The following RBM47 variants were observed in gnomAD, a reference collection of about 807,000 sequenced individuals.
The protein encoded by RBM47 is RNA-binding protein 47.
Under a neutral mutation model 47.1 loss-of-function variants are expected in RBM47, and 21 were observed. The ratio of observed to expected loss-of-function variants is 0.45; its 90% confidence interval spans 0.32 to 0.64. RBM47 has a LOEUF of 0.64. RBM47 is among the 30% of genes least tolerant of loss of function. The pLI is 0.05. For synonymous variants in RBM47, 375 were observed against 361.7 expected (o/e 1.04, Z -0.42); for missense variants, 708 against 870.9 (o/e 0.81, Z 2.35).
intron 1 of RBM47, among the ~76,000 whole-genome samples, chr4:40,553,442 C>T (rs371269050): frequency 6.6e-6 from 1 of 152,042 alleles, no homozygotes; most frequent in Non-Finnish European, 1.5e-5. Flanking sequence ...GGATTACAGG[C>T]GCATGCCACT....
chr4:40,515,297 G>C lies in RBM47; in HGVS notation c.-155+29125C>G, dbSNP rs1725436494. ...GATGATCTATCTGCCTGGTTTTACA[G>C]AAACTACCTATAGAGATTGCTAGAG... On this transcript the variant is annotated intron_variant, in intron 2 of 6. Coordinates refer to ENST00000295971, the MANE Select transcript of RBM47 (RefSeq NM_001098634.2). Among the ~76,000 whole-genome samples the C allele has an allele frequency of 2.0e-5, 3 of 152,158 alleles. No homozygotes were observed. The South Asian group carries it at 6.2e-4, about 31-fold the overall frequency.
chr4:40,425,695 G>A lies in RBM47; in HGVS notation c.*209C>T. On this transcript the variant is annotated 3_prime_UTR_variant, in exon 7 of 7. Coordinates refer to ENST00000295971, the MANE Select transcript of RBM47 (RefSeq NM_001098634.2). ...AGGCACGAACCATTGCAAGTCTTTT[G>A]GAAATGTATGAACGTAGGCATGCTA... The A allele has an allele frequency of 1.5e-6, 1 of 645,530 alleles. No homozygotes were observed. Among genetic ancestry groups the A allele is most frequent in the South Asian group, 2.5e-5 (1 of 39,324 alleles). The allele number at this position is 645,530 out of a possible 1,614,324, so 40.0% of individuals were successfully genotyped here.
intron 4 of RBM47, 36 bp from the exon 5 acceptor site, chr4:40,436,683 A>G: frequency 6.3e-7 from 1 of 1,596,020 alleles, no homozygotes; most frequent in Non-Finnish European, 8.6e-7. Context: ...TCAGCAACCA[A>G]CAGTGACGGT....
intron 1 of RBM47, among the ~76,000 whole-genome samples, chr4:40,583,413 A>G (rs1470649384): frequency 1.5e-5 from 2 of 136,894 alleles, no homozygotes; most frequent in African/African-American, 2.8e-5. Flanking sequence ...AAAAAAAAAA[A>G]AGGGAAACAG....
In RBM47 at chr4:40,563,011, T is replaced by C. The variant is rs144354611; in HGVS notation, c.-239-18505A>G. On this transcript the variant is annotated intron_variant, in intron 1 of 6. Coordinates refer to ENST00000295971, the MANE Select transcript of RBM47 (RefSeq NM_001098634.2). ...AAAATATCCAAAATGACGGGACCCA[T>C]GTGTTGTATTAAACTGGCATTTGTT... 1.4e-4 allele frequency among the ~76,000 whole-genome samples: 22 copies of C among 152,230 alleles called. No homozygotes were observed. The East Asian group carries it at 3.3e-3, about 23-fold the overall frequency.
chr4:40,485,995 C>A (rs1344995413), intron 2 of RBM47, among the ~76,000 whole-genome samples: 2 of 144,700 alleles, frequency 1.4e-5, no homozygotes, highest in African/African-American at 5.2e-5. Context: ...TGCTTGAGCC[C>A]GGAAGCTCCA....
At chr4:40,432,054 A>G (rs1716190372) in intron 6 of RBM47, among the ~76,000 whole-genome samples, 1 of 151,266 alleles carries the variant, frequency 6.6e-6, no homozygotes. Flanking sequence ...GTGTCTCACC[A>G]TGTTGCCCAG....
At chr4:40,539,515 T>C (rs184284506) in intron 2 of RBM47, among the ~76,000 whole-genome samples, 2,323 of 151,898 alleles carry the variant, frequency 0.015, 51 homozygotes, top group African/African-American at 0.047. Flanking sequence ...CCGAGGCAGG[T>C]GGATCACCTG....
intron 6 of RBM47, among the ~76,000 whole-genome samples, chr4:40,430,768 T>G (rs1466067837): frequency 1.3e-5 from 2 of 152,170 alleles, no homozygotes; most frequent in Non-Finnish European, 2.9e-5. Flanking sequence ...AATTGGAATC[T>G]TCAGGGATTA....
At chr4:40,594,073 A>G (rs889020031) in intron 1 of RBM47, among the ~76,000 whole-genome samples, 7 of 152,022 alleles carry the variant, frequency 4.6e-5, no homozygotes, top group African/African-American at 1.7e-4. Flanking sequence ...AAAAAAAAGA[A>G]AGAAAGAAAG....
chr4:40,426,117 C>T lies in RBM47; in HGVS notation c.1569G>A (p.Thr523=), dbSNP rs771317205. The change falls in exon 7 of 7, where the codon ACG becomes ACA. Residue 523 remains threonine (T), a synonymous_variant. Coordinates refer to ENST00000295971, the MANE Select transcript of RBM47 (RefSeq NM_001098634.2). ...GAATTCTCTGAACGTTTGGAGCCAC[C>T]GTGTATACTGGAGTTATTGGGCGGC... ...FQGRPITPVY[T]VAPNVQRIPT... 5.6e-6 allele frequency: 9 copies of T among 1,613,964 alleles called. No individual in the cohort carries two copies. Among genetic ancestry groups the T allele is most frequent in the South Asian group, 3.3e-5 (3 of 91,070 alleles).
At chr4:40,581,637 G>A (rs1732958216) in intron 1 of RBM47, among the ~76,000 whole-genome samples, 1 of 151,768 alleles carries the variant, frequency 6.6e-6, no homozygotes, top group South Asian at 2.1e-4. Flanking sequence ...TGGGGGAAGA[G>A]GTGAGATTAA....
intron 1 of RBM47, among the ~76,000 whole-genome samples, chr4:40,575,420 C>T (rs1049895529): frequency 6.6e-6 from 1 of 151,790 alleles, no homozygotes; most frequent in Non-Finnish European, 1.5e-5. Context: ...GGAGTGGTGG[C>T]GGGCCCCTTT....
At chr4:40,618,225 G>A (rs1005232300) in intron 1 of RBM47, among the ~76,000 whole-genome samples, 6 of 147,540 alleles carry the variant, frequency 4.1e-5, no homozygotes, top group African/African-American at 1.5e-4. Flanking sequence ...AGGCAACAGA[G>A]CAAGACCCTC....
intron 1 of RBM47, among the ~76,000 whole-genome samples, chr4:40,626,178 C>T (rs1475713063): frequency 1.3e-5 from 2 of 152,094 alleles, no homozygotes; most frequent in Non-Finnish European, 2.9e-5. Flanking sequence ...TTCATAACAA[C>T]CAAAAAAGAT....
At chr4:40,440,065 TAA>T (rs1232577256) in intron 3 of RBM47, among the ~76,000 whole-genome samples, 1 of 152,242 alleles carries the variant, frequency 6.6e-6, no homozygotes, top group Non-Finnish European at 1.5e-5. Flanking sequence ...GAAGTGATTC[TAA>T]ATTATGCAAT....
At chr4:40,606,839 AC>A (rs1442351843) in intron 1 of RBM47, among the ~76,000 whole-genome samples, 2 of 152,126 alleles carry the variant, frequency 1.3e-5, no homozygotes, top group African/African-American at 4.8e-5. Flanking sequence ...CCTCCTCTCT[AC>A]TAAAAACAAA....
intron 3 of RBM47, among the ~76,000 whole-genome samples, chr4:40,450,411 T>A (rs998346402): frequency 1.3e-5 from 2 of 151,592 alleles, no homozygotes; most frequent in African/African-American, 2.4e-5. Flanking sequence ...CTGGCCAACA[T>A]AGTGAAACTC....
At chr4:40,615,797 C>T (rs972331659) in intron 1 of RBM47, among the ~76,000 whole-genome samples, 2 of 151,912 alleles carry the variant, frequency 1.3e-5, no homozygotes, top group Non-Finnish European at 2.9e-5. Flanking sequence ...AATTAATTAA[C>T]TAATTAATTG....
Sources: gnomAD v4.1 joint callset for allele counts (sites outside exome capture counted in the v4.1 genomes callset) on GRCh38, gnomAD v4.1.1 for gene constraint, MANE v1.5 for transcripts, NCBI Gene and HGNC (gene_info 2026-07-23, HGNC 2026-07-21) for gene names.